Variants in FHDC1 observed in about 807,000 individuals in gnomAD.
FHDC1 encodes the protein FH2 domain-containing protein 1.
In FHDC1, 25 loss-of-function variants were observed where a neutral mutation model predicts 52.6. That is an observed-to-expected ratio of 0.48 (90% CI 0.35 to 0.66). The LOEUF (loss-of-function observed/expected upper bound fraction) is 0.66, where lower values mean the gene tolerates loss of function less well. Ranked by LOEUF, FHDC1 falls within the 30% of genes least tolerant of loss-of-function variation. FHDC1 has a pLI of 0.01. For missense variants in FHDC1, 1,459 were observed against 1,452.8 expected (o/e 1.00, Z -0.07); for synonymous variants, 616 against 581.5 (o/e 1.06, Z -0.85).
chr4:152,950,702 C>T (rs1333811186), intron 2 of FHDC1, among the ~76,000 whole-genome samples: 1 of 152,190 alleles, frequency 6.6e-6, no homozygotes, highest in Non-Finnish European at 1.5e-5. Flanking sequence ...GCTCTGGGGT[C>T]ACCAGGGGAC....
chr4:152,942,108 C>T (rs1377599555), intron 1 of FHDC1, among the ~76,000 whole-genome samples: 2 of 152,130 alleles, frequency 1.3e-5, no homozygotes, highest in Non-Finnish European at 2.9e-5. Flanking sequence ...ACATGGGCAG[C>T]GTGTCCTTGG....
At chr4:152,922,988 G>T in the FHDC1 span, among the ~76,000 whole-genome samples, 1 of 151,046 alleles carries the variant, frequency 6.6e-6, no homozygotes, top group Admixed American at 6.6e-5. Flanking sequence ...ATTCAACATA[G>T]TGTTGGAAGT....
rs1740888698 is a variant in FHDC1 at position 152,976,451 on chromosome 4, G to A, written c.3160G>A (p.Val1054Met). 1.2e-6 allele frequency: 2 copies of A among 1,613,478 alleles called. No individual in the cohort carries two copies. Among genetic ancestry groups the A allele is most frequent in the African/African-American group, 1.3e-5 (1 of 74,908 alleles). ...AAGCATGAGAACAGATCTTCCTCCC[G>A]TGGCCAAAGCCCCCGGCATCACTCG... ...SRSMRTDLPP[V>M]AKAPGITRTV... The change falls in exon 12 of 12, where the codon GTG (valine) becomes ATG (methionine). Residue 1054 changes from valine (V) to methionine (M), a missense_variant. Val to Met is a conservative substitution (Grantham distance 21). Around this residue, in one of 3 missense-constraint regions of FHDC1, gnomAD observed 939 missense variants for 854.5 expected, o/e 1.10. Coordinates refer to ENST00000511601, the MANE Select transcript of FHDC1 (RefSeq NM_001371116.1).
chr4:152,930,997 ACTCTCTCTCT>A, the FHDC1 span, among the ~76,000 whole-genome samples: 1 of 113,146 alleles, frequency 8.8e-6, no homozygotes, highest in African/African-American at 3.4e-5. Flanking sequence ...ACACACACAC[ACTCTCTCTCT>A]CTCTCTCTCT....
At chr4:152,956,597 TC>T (rs1740091596) in intron 4 of FHDC1, among the ~76,000 whole-genome samples, 1 of 152,072 alleles carries the variant, frequency 6.6e-6, no homozygotes, top group Non-Finnish European at 1.5e-5. Context: ...TGAAAACCCA[TC>T]CAGGCACTGC....
intron 2 of FHDC1, among the ~76,000 whole-genome samples, chr4:152,947,974 G>C (rs571921610): frequency 1.4e-4 from 21 of 152,248 alleles, no homozygotes; most frequent in Non-Finnish European, 2.9e-4. Context: ...TTCGGGATAT[G>C]CTCACAGTCC....
chr4:152,965,624 CGGT>C (rs1561211927), intron 9 of FHDC1, among the ~76,000 whole-genome samples: 4 of 152,178 alleles, frequency 2.6e-5, no homozygotes, highest in African/African-American at 9.7e-5. Flanking sequence ...ACACATCCCA[CGGT>C]AAATGTTCAA....
At chr4:152,941,608 A>G (rs1235923270) in intron 1 of FHDC1, among the ~76,000 whole-genome samples, 4 of 152,230 alleles carry the variant, frequency 2.6e-5, no homozygotes, top group Admixed American at 6.5e-5. Flanking sequence ...GAACTTTCTG[A>G]GAAAAAGCAG....
At chr4:152,951,201 G>A (rs1163685137) in intron 2 of FHDC1, among the ~76,000 whole-genome samples, 2 of 152,204 alleles carry the variant, frequency 1.3e-5, no homozygotes, top group African/African-American at 4.8e-5. Flanking sequence ...TTCTTTGAAC[G>A]TGCTGTGTAA....
chr4:152,925,083 T>C, the FHDC1 span, among the ~76,000 whole-genome samples: 1 of 152,158 alleles, frequency 6.6e-6, no homozygotes, highest in Non-Finnish European at 1.5e-5. Flanking sequence ...TGGAGCCGTT[T>C]CTAATTTCTA....
At chr4:152,970,761 C>A (rs990873098) in intron 10 of FHDC1, among the ~76,000 whole-genome samples, 1 of 152,130 alleles carries the variant, frequency 6.6e-6, no homozygotes, top group Non-Finnish European at 1.5e-5. Flanking sequence ...ACATAGTTTT[C>A]GTTTCTTACT....
chr4:152,952,131 C>T (rs531356288), intron 2 of FHDC1, among the ~76,000 whole-genome samples: 33 of 152,256 alleles, frequency 2.2e-4, no homozygotes, highest in African/African-American at 7.7e-4. Context: ...AAATGTAGGA[C>T]ACTACCTTAC....
chr4:152,913,715 G>A, the FHDC1 span, among the ~76,000 whole-genome samples: 1 of 151,944 alleles, frequency 6.6e-6, no homozygotes, highest in African/African-American at 2.4e-5. Context: ...AGTTTCACTC[G>A]TTGCCCAGGC....
the FHDC1 span, among the ~76,000 whole-genome samples, chr4:152,925,918 G>A: frequency 6.6e-6 from 1 of 151,854 alleles, no homozygotes; most frequent in African/African-American, 2.4e-5. Context: ...AGGAGAAGGA[G>A]AAGAAGAAAC....
chr4:152,924,375 G>T, the FHDC1 span, among the ~76,000 whole-genome samples: 15 of 152,194 alleles, frequency 9.9e-5, no homozygotes, highest in African/African-American at 3.4e-4. Context: ...TACTGGAGAG[G>T]ATGTGGAGAA....
chr4:152,954,416 G>A lies in FHDC1; in HGVS notation c.663+97G>A, dbSNP rs1366112765. 3 of 937,314 alleles carry A rather than the reference G, an allele frequency of 3.2e-6. No individual in the cohort carries two copies. The East Asian group carries it at 7.9e-5, about 25-fold the overall frequency. 58.1% of individuals were successfully genotyped at this position (937,314 alleles called of 1,614,324 possible). A position where few individuals can be genotyped will look rare whatever the true frequency, so the allele number is the denominator to read the frequency against. On this transcript the variant is annotated intron_variant, in intron 4 of 11. Coordinates refer to ENST00000511601, the MANE Select transcript of FHDC1 (RefSeq NM_001371116.1). ...AAGCTCACATGGAAGGCCAGGAGCA[G>A]TGGCTCACACCTGTAATCCCAGCAC...
the FHDC1 span, among the ~76,000 whole-genome samples, chr4:152,931,111 C>G: frequency 6.6e-6 from 1 of 151,778 alleles, no homozygotes; most frequent in Non-Finnish European, 1.5e-5. Context: ...CTTCTAACTT[C>G]TTAGAAGGGT....
chr4:152,925,712 C>T, the FHDC1 span, among the ~76,000 whole-genome samples: 1 of 147,488 alleles, frequency 6.8e-6, no homozygotes, highest in Non-Finnish European at 1.5e-5. Context: ...AGTGCATCCT[C>T]CTTTTTTTTT....
At chr4:152,917,934 T>G in the FHDC1 span, among the ~76,000 whole-genome samples, 1 of 152,198 alleles carries the variant, frequency 6.6e-6, no homozygotes, top group Non-Finnish European at 1.5e-5. Context: ...GGAAAAAAAT[T>G]CGTTAGAAAT....
Sources: allele counts gnomAD v4.1 joint callset (sites outside exome capture counted in the v4.1 genomes callset), GRCh38; gene constraint gnomAD v4.1.1; regional missense constraint gnomAD v4.1.1; transcripts MANE v1.5; gene names NCBI Gene and HGNC (gene_info 2026-07-23, HGNC 2026-07-21).